RASGEF1C: variants seen among roughly 807,000 people sequenced by gnomAD.
RASGEF1C encodes the protein RasGEF domain family member 1C.
In RASGEF1C, 27 loss-of-function variants were observed where a neutral mutation model predicts 58.1. The ratio of observed to expected loss-of-function variants is 0.46; its 90% CI spans 0.34 to 0.64. RASGEF1C has a LOEUF of 0.64. RASGEF1C is among the 30% of genes least tolerant of loss of function. The probability of loss-of-function intolerance (pLI) is 0.01; values close to 1 mark genes in which losing one functional copy is unlikely to be tolerated. For synonymous variants in RASGEF1C, 243 were observed against 246.3 expected (o/e 0.99, Z 0.13); for missense variants, 502 against 605.1 (o/e 0.83, Z 1.79).
intron 1 of RASGEF1C, among the ~76,000 whole-genome samples, chr5:180,166,798 G>A (rs1767030776): frequency 6.6e-6 from 1 of 152,156 alleles, no homozygotes; most frequent in Non-Finnish European, 1.5e-5. Flanking sequence ...TTACAGGTGT[G>A]AGCCATTGCA....
intron 6 of RASGEF1C, among the ~76,000 whole-genome samples, chr5:180,123,340 AAAAC>A (rs1263477000): frequency 1.3e-5 from 2 of 152,254 alleles, no homozygotes; most frequent in African/African-American, 2.4e-5. Flanking sequence ...TTGAAAAAGA[AAAAC>A]AAAACGCAAC....
intron 1 of RASGEF1C, among the ~76,000 whole-genome samples, chr5:180,208,621 TG>T (rs1756535864): frequency 6.6e-6 from 1 of 152,152 alleles, no homozygotes; most frequent in Non-Finnish European, 1.5e-5. Context: ...CTTTCCCTTC[TG>T]CACGTGCACC....
At chr5:180,141,208 T>C (rs1766574308) in intron 1 of RASGEF1C, among the ~76,000 whole-genome samples, 1 of 152,210 alleles carries the variant, frequency 6.6e-6, no homozygotes, top group Admixed American at 6.5e-5. Context: ...TGAGGACCTT[T>C]CCATGGCAGG....
At chr5:180,101,870 C>A (rs996070646) in intron 13 of RASGEF1C, among the ~76,000 whole-genome samples, 8 of 152,188 alleles carry the variant, frequency 5.3e-5, no homozygotes, top group Non-Finnish European at 1.5e-5. Context: ...TCAGCCTCCT[C>A]TCCTCACCCC....
intron 1 of RASGEF1C, among the ~76,000 whole-genome samples, chr5:180,141,091 G>A (rs1766570984): frequency 6.6e-6 from 1 of 152,190 alleles, no homozygotes; most frequent in Non-Finnish European, 1.5e-5. Flanking sequence ...TTTACGCAAA[G>A]ACAAGGACAT....
intron 1 of RASGEF1C, among the ~76,000 whole-genome samples, chr5:180,163,640 C>A (rs2113303064): frequency 6.6e-6 from 1 of 152,222 alleles, no homozygotes; most frequent in South Asian, 2.1e-4. Flanking sequence ...TGGTATATCT[C>A]TCTATACCTT....
intron 4 of RASGEF1C, among the ~76,000 whole-genome samples, chr5:180,132,328 G>A (rs754987591): frequency 9.9e-5 from 15 of 152,218 alleles, no homozygotes; most frequent in Non-Finnish European, 1.6e-4. Context: ...GTCGTCCGAC[G>A]GTGGCCTGGG....
chr5:180,116,709 G>A (rs532672654), intron 10 of RASGEF1C, among the ~76,000 whole-genome samples: 18 of 152,334 alleles, frequency 1.2e-4, no homozygotes, highest in East Asian at 1.2e-3. Flanking sequence ...GAAGTAGTGC[G>A]GAGCGCCCAG....
intron 1 of RASGEF1C, among the ~76,000 whole-genome samples, chr5:180,153,040 T>G (rs1329370745): frequency 6.6e-6 from 1 of 152,120 alleles, no homozygotes; most frequent in Admixed American, 6.6e-5. Context: ...AGTACCTTTA[T>G]AAACGTCCCC....
intron 4 of RASGEF1C, among the ~76,000 whole-genome samples, chr5:180,129,005 G>A (rs1460585176): frequency 1.3e-5 from 2 of 152,220 alleles, no homozygotes; most frequent in African/African-American, 2.4e-5. Context: ...CTGGGCAGAC[G>A]ACTGGCATTT....
intron 12 of RASGEF1C, among the ~76,000 whole-genome samples, chr5:180,104,280 A>G (rs1041598360): frequency 6.6e-6 from 1 of 152,190 alleles, no homozygotes; most frequent in African/African-American, 2.4e-5. Context: ...CGATTAGGCC[A>G]TGAGGTTCCA....
intron 1 of RASGEF1C, among the ~76,000 whole-genome samples, chr5:180,181,524 C>T (rs1767325755): frequency 6.6e-6 from 1 of 152,008 alleles, no homozygotes; most frequent in Non-Finnish European, 1.5e-5. Flanking sequence ...TGACTAATGA[C>T]CTTAGAAGAC....
intron 1 of RASGEF1C, among the ~76,000 whole-genome samples, chr5:180,174,612 GTGTGTC>G (rs746437215): frequency 5.7e-4 from 6 of 10,534 alleles, no homozygotes; most frequent in Non-Finnish European, 8.5e-4. Context: ...GCACGCATGT[GTGTGTC>G]TGTGTGTGTG....
intron 12 of RASGEF1C, among the ~76,000 whole-genome samples, chr5:180,105,001 A>C (rs1412742200): frequency 6.6e-6 from 1 of 152,206 alleles, no homozygotes; most frequent in East Asian, 1.9e-4. Context: ...CTGAAACTGC[A>C]GATAGTACGG....
chr5:180,176,943 G>T (rs1034656867), intron 1 of RASGEF1C, among the ~76,000 whole-genome samples: 8 of 152,184 alleles, frequency 5.3e-5, no homozygotes, highest in Non-Finnish European at 1.0e-4. Context: ...CGTCAGGGTT[G>T]GGCAGTGGTC....
intron 1 of RASGEF1C, among the ~76,000 whole-genome samples, chr5:180,145,935 G>A (rs1424592616): frequency 2.0e-5 from 3 of 152,182 alleles, no homozygotes; most frequent in Non-Finnish European, 4.4e-5. Flanking sequence ...TTGTTAGATA[G>A]TCTGGATATC....
chr5:180,121,755 G>C (rs934366511), intron 6 of RASGEF1C, among the ~76,000 whole-genome samples: 1 of 151,548 alleles, frequency 6.6e-6, no homozygotes, highest in African/African-American at 2.4e-5. Context: ...CCAAAAACTT[G>C]TGTCACTTTC....
intron 1 of RASGEF1C, among the ~76,000 whole-genome samples, chr5:180,194,464 C>T (rs1353541768): frequency 1.3e-5 from 2 of 152,248 alleles, no homozygotes; most frequent in Admixed American, 1.3e-4. Context: ...GAAGCATCTG[C>T]GCAAACTGCA....
intron 6 of RASGEF1C, among the ~76,000 whole-genome samples, chr5:180,126,372 A>C (rs933114900): frequency 1.3e-5 from 2 of 152,192 alleles, no homozygotes; most frequent in South Asian, 4.1e-4. Context: ...GCGCCCCTGC[A>C]CTCCAGCCTG....
Sources: allele counts gnomAD v4.1 joint callset (sites outside exome capture counted in the v4.1 genomes callset), GRCh38; gene constraint gnomAD v4.1.1; transcripts MANE v1.5; gene names NCBI Gene and HGNC (gene_info 2026-07-23, HGNC 2026-07-21).